CUL4B: variants seen among roughly 807,000 people sequenced by gnomAD.
CUL4B encodes the protein cullin-4B.
A neutral mutation model predicts 69.2 loss-of-function variants in CUL4B; 1 was observed. That is an observed-to-expected ratio of 0.01 (90% CI 0.01 to 0.07). CUL4B has a LOEUF of 0.07. Ranked by LOEUF, CUL4B falls within the 10% of genes least tolerant of loss-of-function variation. CUL4B has a pLI of 1.00. For synonymous variants in CUL4B, 237 were observed against 223.2 expected (o/e 1.06, Z -0.55); for missense variants, 328 against 638.8 (o/e 0.51, Z 5.24).
chrX:120,541,925 A>C (rs752362511), intron 9 of CUL4B, among the ~76,000 whole-genome samples: 2 of 110,466 alleles, frequency 1.8e-5, no homozygotes, highest in South Asian at 7.7e-4. Flanking sequence ...TAGAGACTTT[A>C]GTCGCTATAA....
rs1048730072 is a variant in CUL4B at position 120,526,872 on chromosome X, A to G, written c.2593-16T>C. The G allele has an allele frequency of 7.6e-6, 8 of 1,047,081 alleles. No homozygotes were observed. The highest frequency in any genetic ancestry group is 1.1e-5 in the Non-Finnish European group (8 of 752,252). The allele number at this position is 1,047,081 out of a possible 1,213,427, so 86.3% of individuals were successfully genotyped here. A position where few individuals can be genotyped will look rare whatever the true frequency, so the allele number is the denominator to read the frequency against. On this transcript the variant is annotated splice_polypyrimidine_tract_variant and intron_variant, in intron 19 of 19. Transcript: ENST00000371322. ...GATCAGCAGGCTGTAAGAGAAGGCA[A>G]ATTTTCAATGTAAAGTTCATTATCA...
chrX:120,557,200 C>T (rs1925028671), intron 2 of CUL4B, among the ~76,000 whole-genome samples: 2 of 111,478 alleles, frequency 1.8e-5, no homozygotes, highest in Admixed American at 9.6e-5. Context: ...TGTGAGCCAC[C>T]GTGCCCGGCC....
At chrX:120,567,343 T>C (rs1925585232), downstream of CUL4B, among the ~76,000 whole-genome samples, 1 of 108,880 alleles carries the variant, frequency 9.2e-6, no homozygotes. Flanking sequence ...GCCAGGCTGG[T>C]CTTGAACTCC....
At position 120,560,933 on chromosome X, in the gene CUL4B, C is replaced by T. The variant is rs1035466626; in HGVS notation, c.-295G>A. On this transcript the variant is annotated 5_prime_UTR_variant, in exon 1 of 20. Transcript: ENST00000371322. ...CCCCTGCTTTTCGATCTCTCTCCCC[C>T]CCTTTCTGCAGGAGCGACTCAGCGA... 14 of 751,116 alleles carry T rather than the reference C, an allele frequency of 1.9e-5. No individual in the cohort carries two copies. The highest frequency in any genetic ancestry group is 1.6e-4 in the African/African-American group (7 of 42,703). The allele number at this position is 751,116 out of a possible 1,213,427, so 61.9% of individuals were successfully genotyped here.
chrX:120,529,775 T>C (rs1923201900), intron 19 of CUL4B, among the ~76,000 whole-genome samples: 1 of 111,169 alleles, frequency 9.0e-6, no homozygotes, highest in South Asian at 3.7e-4. Flanking sequence ...ATAAATACCA[T>C]GGTATTTCAA....
chrX:120,538,030 C>T, intron 14 of CUL4B, 94 bp downstream of exon 14: 1 of 632,299 alleles, frequency 1.6e-6, no homozygotes, highest in South Asian at 2.8e-5. Context: ...TTACAACAAA[C>T]ACGTTTCTAT....
intron 10 of CUL4B, 78 bp from the exon 11 acceptor site, chrX:120,540,640 G>T: frequency 1.4e-6 from 1 of 692,211 alleles, no homozygotes; most frequent in South Asian, 2.6e-5. Context: ...TATTTTAAGT[G>T]GCATATATAT....
chrX:120,530,018 A>T, intron 19 of CUL4B, 84 bp downstream of exon 19: 1 of 1,003,183 alleles, frequency 1.0e-6, no homozygotes, highest in Non-Finnish European at 1.4e-6. Context: ...ATGACGCTTT[A>T]TGTTTGCAAG....
upstream of CUL4B, among the ~76,000 whole-genome samples, chrX:120,566,365 A>ATATATGTATATATATATATATATATATG (rs1925531978): frequency 1.7e-5 from 1 of 58,770 alleles, no homozygotes; most frequent in African/African-American, 5.2e-5. Context: ...ATATATATAT[A>ATATATGTATATATATATATATATATATG]TATATATATA....
rs1033334424 is a variant in CUL4B at position 120,543,943 on chromosome X, G to A, written c.1174-134C>T. Reference sequence around the variant, plus strand: ...TCATATGTAAAAATTTATAGGTAGAGTTTATGATCCAGAATTCTGGCCTTT... The same window carrying A: ...TCATATGTAAAAATTTATAGGTAGAATTTATGATCCAGAATTCTGGCCTTT... On this transcript the variant is annotated intron_variant, in intron 7 of 19. Transcript: ENST00000371322. 7 of 578,651 alleles carry A rather than the reference G, an allele frequency of 1.2e-5. No homozygotes were observed. The African/African-American group carries it at 1.6e-4, about 13-fold the overall frequency. 47.7% of individuals were successfully genotyped at this position (578,651 alleles called of 1,213,427 possible).
At position 120,540,597 on chromosome X, in the gene CUL4B, G is replaced by A. The variant is rs193230251; in HGVS notation, c.1444-35C>T. On this transcript the variant is annotated intron_variant, in intron 10 of 19. Transcript: ENST00000371322. ...AAAATTACCACTTTTTACTGTAATCGAATTGTCTACAATGAAAACAATCCC... is the reference window on the plus strand; with the variant it reads ...AAAATTACCACTTTTTACTGTAATCAAATTGTCTACAATGAAAACAATCCC... 1.2e-3 allele frequency: 1,187 copies of A among 1,000,114 alleles called. 4 individuals carry two copies. In the African/African-American group the frequency reaches 0.012, roughly 10 times the overall value. 82.4% of individuals were successfully genotyped at this position (1,000,114 alleles called of 1,213,427 possible).
At chrX:120,528,412 A>G (rs1369153082) in intron 19 of CUL4B, among the ~76,000 whole-genome samples, 3 of 104,087 alleles carry the variant, frequency 2.9e-5, no homozygotes, top group Non-Finnish European at 3.9e-5. Flanking sequence ...TCCATCTCAA[A>G]AAAAAAAAAA....
chrX:120,559,869 C>T, intron 1 of CUL4B: 1 of 1,144,876 alleles, frequency 8.7e-7, no homozygotes, highest in Non-Finnish European at 1.2e-6. Context: ...CAAAATACTG[C>T]ACAGAAACAC....
intron 2 of CUL4B, among the ~76,000 whole-genome samples, chrX:120,573,942 G>A (rs1056610267): frequency 9.0e-6 from 1 of 111,299 alleles, no homozygotes; most frequent in Admixed American, 9.5e-5. Flanking sequence ...TCCAGCCTGA[G>A]CCTCCCTAGT....
At chrX:120,558,750 G>A (rs1331364181) in intron 1 of CUL4B, among the ~76,000 whole-genome samples, 1 of 111,786 alleles carries the variant, frequency 8.9e-6, no homozygotes, top group East Asian at 2.8e-4. Context: ...GACTAGCAAT[G>A]AGTGTGGGGA....
chrX:120,536,545 G>C (rs755264973), intron 15 of CUL4B, among the ~76,000 whole-genome samples: 3 of 112,245 alleles, frequency 2.7e-5, no homozygotes, highest in Non-Finnish European at 5.6e-5. Flanking sequence ...AGAGTGAGGG[G>C]TATAACCTGG....
chrX:120,532,911 A>C (rs973847969), intron 17 of CUL4B, among the ~76,000 whole-genome samples: 3 of 111,694 alleles, frequency 2.7e-5, no homozygotes, highest in African/African-American at 3.3e-5. Flanking sequence ...GTCCTCTTTT[A>C]AAGACGTCAA....
At chrX:120,571,459 C>T (rs759479405) in exon 3 of CUL4B, 3 of 111,414 alleles carry the variant, frequency 2.7e-5, no homozygotes, top group Non-Finnish European at 3.8e-5. Flanking sequence ...GGAAATTACT[C>T]AAGGGCGGGG....
upstream of CUL4B, among the ~76,000 whole-genome samples, chrX:120,564,934 A>G (rs1252945751): frequency 1.8e-5 from 2 of 112,309 alleles, no homozygotes; most frequent in Admixed American, 9.4e-5. Flanking sequence ...AAACTTTACA[A>G]TGTTGCCACA....
Sources: allele counts gnomAD v4.1 joint callset (sites outside exome capture counted in the v4.1 genomes callset), GRCh38; gene constraint gnomAD v4.1.1; transcripts MANE v1.5; gene names NCBI Gene and HGNC (gene_info 2026-07-23, HGNC 2026-07-21).